ESRRG: variants seen among roughly 807,000 people sequenced by gnomAD.
The protein encoded by ESRRG is estrogen related receptor gamma.
A neutral mutation model predicts 44.0 loss-of-function variants in ESRRG; 13 were observed. That is an observed-to-expected ratio of 0.30 (90% CI 0.19 to 0.47). The LOEUF is 0.47. ESRRG is among the 20% of genes least tolerant of loss of function. The pLI, the probability that ESRRG is intolerant of heterozygous loss-of-function variation, is 1.00. For missense variants in ESRRG, 395 were observed against 580.6 expected (o/e 0.68, Z 3.29); for synonymous variants, 215 against 214.6 (o/e 1.00, Z -0.02).
At chr1:216,602,362 A>G (rs574303650) in intron 3 of ESRRG, among the ~76,000 whole-genome samples, 1 of 152,356 alleles carries the variant, frequency 6.6e-6, no homozygotes, top group South Asian at 2.1e-4. Flanking sequence ...TACAAAACAT[A>G]ATGCGAAAAA....
chr1:216,634,359 G>C (rs2064853973), intron 3 of ESRRG, among the ~76,000 whole-genome samples: 1 of 151,826 alleles, frequency 6.6e-6, no homozygotes, highest in Non-Finnish European at 1.5e-5. Flanking sequence ...CAAAGCAAGA[G>C]TTACAGTGTT....
upstream of ESRRG, among the ~76,000 whole-genome samples, chr1:217,089,902 CCTGT>C (rs1160389242): frequency 1.3e-5 from 2 of 152,316 alleles, no homozygotes; most frequent in Middle Eastern, 3.4e-3. Flanking sequence ...CGTCATGATG[CCTGT>C]CTGTTTTCTC....
At chr1:216,724,988 G>A (rs2087192638), upstream of ESRRG, among the ~76,000 whole-genome samples, 1 of 152,062 alleles carries the variant, frequency 6.6e-6, no homozygotes, top group African/African-American at 2.4e-5. Flanking sequence ...AAATAAATTA[G>A]TTCAGATATT....
At chr1:217,126,568 A>G (rs926176353) in intron 1 of ESRRG, among the ~76,000 whole-genome samples, 2 of 152,266 alleles carry the variant, frequency 1.3e-5, no homozygotes, top group East Asian at 1.9e-4. Flanking sequence ...GTCACAACAC[A>G]TAGAATATTA....
At chr1:216,541,929 G>T (rs979181639) in intron 5 of ESRRG, among the ~76,000 whole-genome samples, 7 of 151,808 alleles carry the variant, frequency 4.6e-5, no homozygotes, top group Non-Finnish European at 8.8e-5. Flanking sequence ...ACTACTAAGG[G>T]TTTGGGATTT....
At position 216,523,019 on chromosome 1, in the gene ESRRG, G is replaced by A. The variant is rs78744524; in HGVS notation, c.863-3598C>T. Among the ~76,000 whole-genome samples, 667 of 152,222 alleles carry A rather than the reference G, an allele frequency of 4.4e-3. 5 individuals are homozygous for A. Among genetic ancestry groups the A allele is most frequent in the African/African-American group, 0.013 (546 of 41,538 alleles). ...ATAAAATATGCTTTGCAGTTGTGTC[G>A]TTTGAACTTCATGTTTTGTACATCC... On this transcript the variant is annotated intron_variant, in intron 5 of 6. Transcript: ENST00000408911.
chr1:216,911,859 C>T (rs1165178068), intron 2 of ESRRG, among the ~76,000 whole-genome samples: 1 of 151,872 alleles, frequency 6.6e-6, no homozygotes, highest in East Asian at 2.0e-4. Flanking sequence ...CACGTGCGCT[C>T]AGGAGTTTGA....
chr1:217,135,920 C>T (rs562799411), intron 1 of ESRRG, among the ~76,000 whole-genome samples: 3 of 152,284 alleles, frequency 2.0e-5, no homozygotes, highest in South Asian at 2.1e-4. Flanking sequence ...AAGATCCCCC[C>T]TTTTCTGGGG....
chr1:217,135,897 G>A (rs371981742), intron 1 of ESRRG, among the ~76,000 whole-genome samples: 15 of 152,200 alleles, frequency 9.9e-5, no homozygotes, highest in Admixed American at 8.5e-4. Context: ...AGGAGCAGGC[G>A]TGCATTTTGC....
intron 5 of ESRRG, among the ~76,000 whole-genome samples, chr1:216,529,053 C>T (rs1378458190): frequency 2.0e-5 from 3 of 152,168 alleles, no homozygotes; most frequent in East Asian, 1.9e-4. Flanking sequence ...ATTTAAATGC[C>T]ACTTAGACAT....
intron 1 of ESRRG, among the ~76,000 whole-genome samples, chr1:217,002,203 G>A (rs2077112613): frequency 6.6e-6 from 1 of 151,176 alleles, no homozygotes; most frequent in African/African-American, 2.4e-5. Context: ...CCTGGTGGCT[G>A]AGCCACGAGA....
intron 3 of ESRRG, among the ~76,000 whole-genome samples, chr1:216,600,135 CT>C (rs1467883058): frequency 1.3e-5 from 2 of 152,172 alleles, no homozygotes. Flanking sequence ...GGAGAAACTT[CT>C]GGTCTGATAC....
intron 3 of ESRRG, among the ~76,000 whole-genome samples, chr1:216,616,943 G>T (rs535569250): frequency 1.3e-5 from 2 of 152,242 alleles, no homozygotes; most frequent in Admixed American, 6.5e-5. Context: ...GGAATCTCCT[G>T]TCACCTCAGG....
intron 1 of ESRRG, among the ~76,000 whole-genome samples, chr1:216,951,383 G>A (rs1026240049): frequency 7.2e-5 from 11 of 152,026 alleles, no homozygotes; most frequent in Non-Finnish European, 1.5e-4. Context: ...GCCAAAATGG[G>A]CTTTATGCAT....
At position 216,890,785 on chromosome 1, in the gene ESRRG, A is replaced by C. The variant is rs376155230; in HGVS notation, c.-14+48797T>G. Reference sequence around the variant, plus strand: ...AGTCTTGCCTAGACCAAATAAACACACATGTAGTTTCAAAATAAATACAAA... The same window carrying C: ...AGTCTTGCCTAGACCAAATAAACACCCATGTAGTTTCAAAATAAATACAAA... On this transcript the variant is annotated intron_variant, in intron 2 of 7. Coordinates refer to the ESRRG transcript ENST00000359162. Among the ~76,000 whole-genome samples the C allele has an allele frequency of 1.8e-3, 268 of 152,320 alleles. 4 individuals carry two copies. Among genetic ancestry groups the C allele is most frequent in the African/African-American group, 5.8e-3 (242 of 41,572 alleles).
chr1:216,513,838 GTA>G (rs2043408239), intron 6 of ESRRG, among the ~76,000 whole-genome samples: 1 of 152,072 alleles, frequency 6.6e-6, no homozygotes, highest in Non-Finnish European at 1.5e-5. Context: ...GACAATTATA[GTA>G]TACTGGGTAA....
At chr1:216,928,237 T>A (rs1454708447) in intron 2 of ESRRG, among the ~76,000 whole-genome samples, 2 of 152,174 alleles carry the variant, frequency 1.3e-5, no homozygotes, top group African/African-American at 4.8e-5. Flanking sequence ...ATTGAATTTT[T>A]CCCCTGTAAA....
chr1:217,076,216 T>C (rs1265298541), intron 1 of ESRRG, among the ~76,000 whole-genome samples: 1 of 152,216 alleles, frequency 6.6e-6, no homozygotes, highest in Non-Finnish European at 1.5e-5. Context: ...ACTGTGACTC[T>C]GAGCATCTTC....
intron 2 of ESRRG, among the ~76,000 whole-genome samples, chr1:216,854,394 A>G (rs1298349289): frequency 1.3e-5 from 2 of 151,186 alleles, no homozygotes; most frequent in Non-Finnish European, 2.9e-5. Flanking sequence ...GAAAAAAAAG[A>G]AAAAACTCCC....
Sources: gnomAD v4.1 joint callset for allele counts (sites outside exome capture counted in the v4.1 genomes callset) on GRCh38, gnomAD v4.1.1 for gene constraint, MANE v1.5 for transcripts, NCBI Gene and HGNC (gene_info 2026-07-23, HGNC 2026-07-21) for gene names.